The following PTPRN2 variants were observed in gnomAD, a reference collection of about 807,000 sequenced individuals.
The protein encoded by PTPRN2 is receptor-type tyrosine-protein phosphatase N2.
In PTPRN2, 74 loss-of-function variants were observed where a neutral mutation model predicts 118.8. The observed-to-expected ratio is 0.62, with a 90% CI of 0.52 to 0.76. The LOEUF (loss-of-function observed/expected upper bound fraction) is 0.76, where lower values mean the gene tolerates loss of function less well. PTPRN2 is among the 30% of genes least tolerant of loss of function. The pLI is 0.00. For synonymous variants in PTPRN2, 641 were observed against 608.0 expected (o/e 1.05, Z -0.80); for missense variants, 1,481 against 1,394.4 (o/e 1.06, Z -0.99).
At chr7:158,443,020 C>T (rs1563300959) in intron 2 of PTPRN2, among the ~76,000 whole-genome samples, 1 of 149,898 alleles carries the variant, frequency 6.7e-6, no homozygotes, top group Non-Finnish European at 1.5e-5. Context: ...CAGACAGAAG[C>T]CTTTTCAGGA....
At chr7:157,549,543 C>T (rs904210923) in intron 21 of PTPRN2, among the ~76,000 whole-genome samples, 2 of 152,058 alleles carry the variant, frequency 1.3e-5, no homozygotes, top group African/African-American at 2.4e-5. Context: ...TAAAGGTGCC[C>T]GTAGCTACTC....
At chr7:158,156,951 CT>C (rs1443588141) in intron 6 of PTPRN2, among the ~76,000 whole-genome samples, 2 of 151,902 alleles carry the variant, frequency 1.3e-5, no homozygotes, top group African/African-American at 4.8e-5. Flanking sequence ...GACAGCACCC[CT>C]GTACCATGTG....
chr7:157,889,300 G>GC (rs1237650904), intron 12 of PTPRN2, among the ~76,000 whole-genome samples: 1 of 148,702 alleles, frequency 6.7e-6, no homozygotes, highest in Non-Finnish European at 1.5e-5. Flanking sequence ...CCTGGTTACC[G>GC]CCCCCCTCTC....
intron 10 of PTPRN2, among the ~76,000 whole-genome samples, chr7:158,103,784 A>G (rs1013559995): frequency 6.6e-6 from 1 of 152,190 alleles, no homozygotes; most frequent in South Asian, 2.1e-4. Context: ...TGTAATGCCC[A>G]TGAAGTCAGA....
In PTPRN2 at chr7:158,510,469, TCTC is replaced by T. The variant is rs1823098813; in HGVS notation, c.113-20687_113-20685del. On this transcript the variant is annotated intron_variant, in intron 1 of 22. Coordinates refer to ENST00000389418, the MANE Select transcript of PTPRN2 (RefSeq NM_002847.5). ...CTCTCTCTCTCTCTCTCTCTCTCTC[TCTC>T]TCTCTCACCCAGAGTCCAGGCTAAG... Among the ~76,000 whole-genome samples the T allele has an allele frequency of 3.3e-5, 5 of 151,238 alleles. No homozygotes were observed. The South Asian group carries it at 1.0e-3, about 32-fold the overall frequency.
chr7:157,554,030 C>T (rs1423436559), intron 21 of PTPRN2, among the ~76,000 whole-genome samples: 5 of 124,882 alleles, frequency 4.0e-5, no homozygotes, highest in Non-Finnish European at 8.6e-5. Context: ...CCAGGCCGGG[C>T]GCCGGATCCT....
At chr7:158,346,819 T>C (rs1807547048) in intron 2 of PTPRN2, among the ~76,000 whole-genome samples, 1 of 152,234 alleles carries the variant, frequency 6.6e-6, no homozygotes, top group South Asian at 2.1e-4. Context: ...TGATATCCCA[T>C]TGTGGTTTTG....
In PTPRN2 at chr7:158,084,344, G is replaced by T. The variant is rs182677215; in HGVS notation, c.1644-2967C>A. On this transcript the variant is annotated intron_variant, in intron 10 of 22. Coordinates refer to ENST00000389418, the MANE Select transcript of PTPRN2 (RefSeq NM_002847.5). ...GATGGCTGAGTGCTGTGTGGTCCAG[G>T]TGAGAGGCTTCTGGGTAGGGAGTGA... Among the ~76,000 whole-genome samples, 632 of 151,398 alleles carry T rather than the reference G, an allele frequency of 4.2e-3. 4 individuals carry two copies. The highest frequency in any genetic ancestry group is 0.015 in the African/African-American group (610 of 41,302).
At chr7:158,196,627 T>A (rs560070318) in intron 4 of PTPRN2, among the ~76,000 whole-genome samples, 1 of 151,940 alleles carries the variant, frequency 6.6e-6, no homozygotes, top group South Asian at 2.1e-4. Context: ...GACTACAGAG[T>A]CTGCTGTCCA....
intron 2 of PTPRN2, among the ~76,000 whole-genome samples, chr7:158,358,159 C>T (rs1285588769): frequency 6.6e-6 from 1 of 152,186 alleles, no homozygotes; most frequent in Admixed American, 6.5e-5. Flanking sequence ...ACTGGGTGCC[C>T]AGCAAGCCTC....
chr7:158,492,288 G>C (rs1291645475), intron 1 of PTPRN2, among the ~76,000 whole-genome samples: 1 of 152,230 alleles, frequency 6.6e-6, no homozygotes, highest in Non-Finnish European at 1.5e-5. Flanking sequence ...TGGAGGAACA[G>C]AGACCTTGGG....
At chr7:158,280,310 C>T (rs893811677) in intron 3 of PTPRN2, among the ~76,000 whole-genome samples, 13 of 152,204 alleles carry the variant, frequency 8.5e-5, no homozygotes, top group Admixed American at 6.5e-4. Flanking sequence ...CTAACCCCGT[C>T]GGGGGCCATG....
chr7:158,183,783 T>G (rs1339713600), intron 5 of PTPRN2, among the ~76,000 whole-genome samples: 1 of 152,220 alleles, frequency 6.6e-6, no homozygotes, highest in Non-Finnish European at 1.5e-5. Flanking sequence ...TGGCTCACAG[T>G]GTAGGCTGCA....
intron 11 of PTPRN2, among the ~76,000 whole-genome samples, chr7:158,078,923 C>G (rs1812588064): frequency 6.6e-6 from 1 of 152,236 alleles, no homozygotes; most frequent in Non-Finnish European, 1.5e-5. Flanking sequence ...TCTTGGCTCA[C>G]TGCAACCTCT....
intron 2 of PTPRN2, among the ~76,000 whole-genome samples, chr7:158,344,860 C>T (rs1189273956): frequency 6.6e-6 from 1 of 152,170 alleles, no homozygotes; most frequent in East Asian, 1.9e-4. Context: ...CATCTGTTTC[C>T]CTGGAAATCA....
intron 3 of PTPRN2, among the ~76,000 whole-genome samples, chr7:158,278,367 G>C (rs775559588): frequency 1.3e-5 from 2 of 150,456 alleles, no homozygotes; most frequent in Non-Finnish European, 3.0e-5. Flanking sequence ...AAAAAATTCA[G>C]CTGGACGTGA....
Position 157,568,954 on chromosome 7 carries a change from G to C in PTPRN2, c.2850C>G (p.Gly950=). 2 of 1,574,448 alleles carry C rather than the reference G, an allele frequency of 1.3e-6. No homozygotes were observed. The highest frequency in any genetic ancestry group is 2.2e-5 in the South Asian group (2 of 90,200). Residue 950 remains glycine (G), a synonymous_variant, in exon 21 of 23, where the codon GGC becomes GGG. Coordinates refer to ENST00000389418, the MANE Select transcript of PTPRN2 (RefSeq NM_002847.5). ...CGATCAGGACGTAGGTGCCGCTCCG[G>C]CCTGCACCGTCACTGCCAACAGAAG... The part of the protein sequence containing the change: ...PIIVHCSDGA[G]RSGTYVLIDM...
At chr7:158,273,253 G>A (rs1798633687) in intron 3 of PTPRN2, among the ~76,000 whole-genome samples, 1 of 152,212 alleles carries the variant, frequency 6.6e-6, no homozygotes, top group African/African-American at 2.4e-5. Flanking sequence ...TCTCTGTCTT[G>A]AAAATGACAC....
chr7:158,547,131 GT>G (rs1211365626), intron 1 of PTPRN2, among the ~76,000 whole-genome samples: 1 of 151,986 alleles, frequency 6.6e-6, no homozygotes, highest in Non-Finnish European at 1.5e-5. Flanking sequence ...TGGGGGCTTT[GT>G]TTTTTTTAAC....
Sources: gnomAD v4.1 joint callset for allele counts (sites outside exome capture counted in the v4.1 genomes callset) on GRCh38, gnomAD v4.1.1 for gene constraint, MANE v1.5 for transcripts, NCBI Gene and HGNC (gene_info 2026-07-23, HGNC 2026-07-21) for gene names.